SHISA5: variants seen among roughly 807,000 people sequenced by gnomAD.
The protein encoded by SHISA5 is protein shisa-5.
Under a neutral mutation model 27.5 loss-of-function variants are expected in SHISA5, and 21 were observed. That is an observed-to-expected ratio of 0.76 (90% CI 0.54 to 1.10). SHISA5 has a LOEUF of 1.10. Among genes scored for constraint, SHISA5 ranks in the 50% least tolerant of loss-of-function variants. The pLI, the probability that SHISA5 is intolerant of heterozygous loss-of-function variation, is 0.00. For missense variants in SHISA5, 314 were observed against 336.3 expected (o/e 0.93, Z 0.52); for synonymous variants, 137 against 142.2 (o/e 0.96, Z 0.26).
chr3:48,486,553 TTATA>T (rs2041253080), intron 2 of SHISA5, among the ~76,000 whole-genome samples: 1 of 122,726 alleles, frequency 8.1e-6, no homozygotes, highest in African/African-American at 3.1e-5. Flanking sequence ...ATATTATATA[TTATA>T]TAGATTATAG....
chr3:48,501,080 C>T, intron 2 of SHISA5, 57 bp downstream of exon 2: 1 of 1,532,562 alleles, frequency 6.5e-7, no homozygotes, highest in Non-Finnish European at 8.8e-7. Context: ...CTTCCACATA[C>T]TCTCCTGTGG....
intron 2 of SHISA5, among the ~76,000 whole-genome samples, chr3:48,480,384 G>A (rs1380211781): frequency 1.3e-5 from 2 of 151,752 alleles, no homozygotes; most frequent in African/African-American, 4.8e-5. Context: ...AAGATATCAT[G>A]ATCACGAAGA....
upstream of SHISA5, chr3:48,504,514 G>A (rs370400634): frequency 6.2e-6 from 1 of 161,198 alleles, no homozygotes; most frequent in Non-Finnish European, 1.3e-5. This position sits in a 1 kb window ranked among gnomAD's most constrained non-coding sequence, Gnocchi z 4.0. Flanking sequence ...CCTACTGTGT[G>A]GGCTGGGGGA....
At chr3:48,477,586 C>T (rs1473655473) in intron 3 of SHISA5, among the ~76,000 whole-genome samples, 1 of 152,152 alleles carries the variant, frequency 6.6e-6, no homozygotes, top group South Asian at 2.1e-4. Context: ...CTGTCTTACT[C>T]CTCATCCATT....
intron 2 of SHISA5, among the ~76,000 whole-genome samples, chr3:48,482,129 A>C (rs1049583062): frequency 2.6e-5 from 4 of 151,430 alleles, no homozygotes; most frequent in Non-Finnish European, 5.9e-5. Context: ...TGGAAAACCC[A>C]AAAAACAAGG....
chr3:48,473,379 C>T lies in SHISA5; in HGVS notation c.315-3536G>A, dbSNP rs1485466874. 3 of 1,336,010 alleles carry T rather than the reference C, an allele frequency of 2.2e-6. No homozygotes were observed. Among genetic ancestry groups the T allele is most frequent in the Non-Finnish European group, 2.9e-6 (3 of 1,019,826 alleles). 82.8% of individuals were successfully genotyped at this position (1,336,010 alleles called of 1,614,324 possible). A position where few individuals can be genotyped will look rare whatever the true frequency, so the allele number is the denominator to read the frequency against. On this transcript the variant is annotated intron_variant, in intron 3 of 5. Transcript: ENST00000296444. The surrounding 1 kb of genome is among the most constrained non-coding windows in gnomAD (Gnocchi z 4.3). ...TAAGAGCCACCCCAGCCTCAGTGGGCCCCAACCACACTCTAGCTCAGCAGC... is the reference window on the plus strand; with the variant it reads ...TAAGAGCCACCCCAGCCTCAGTGGGTCCCAACCACACTCTAGCTCAGCAGC...
In SHISA5 at chr3:48,470,443, T is replaced by C. The variant is rs963308492; in HGVS notation, c.315-600A>G. Among the ~76,000 whole-genome samples, 5 of 152,160 alleles carry C rather than the reference T, an allele frequency of 3.3e-5. No individual in the cohort carries two copies. Among genetic ancestry groups the C allele is most frequent in the Admixed American group, 1.3e-4 (2 of 15,290 alleles). On this transcript the variant is annotated intron_variant, in intron 3 of 5. Coordinates refer to ENST00000296444, the MANE Select transcript of SHISA5 (RefSeq NM_016479.6). The surrounding 1 kb of genome is among the most constrained non-coding windows in gnomAD (Gnocchi z 4.3). The stretch of plus-strand genomic sequence containing the variant: ...AGTGATAAGGACAGTTGCCTCTGCC[T>C]GCAAGCTTGCTGTATGCCAAGCACC...
intron 2 of SHISA5, among the ~76,000 whole-genome samples, chr3:48,485,516 T>TA (rs1174608208): frequency 1.4e-5 from 2 of 143,934 alleles, no homozygotes; most frequent in Non-Finnish European, 3.0e-5. Flanking sequence ...AATATATATT[T>TA]TTATATATAT....
intron 2 of SHISA5, among the ~76,000 whole-genome samples, chr3:48,499,849 AGTG>A: frequency 5.4e-5 from 1 of 18,664 alleles, no homozygotes; most frequent in Non-Finnish European, 1.1e-4. Context: ...GGGCAACAGA[AGTG>A]AGACTCCGTC....
At position 48,501,197 on chromosome 3, in the gene SHISA5, C is replaced by G. The variant is rs377595934; in HGVS notation, c.173G>C (p.Cys58Ser). The change falls in exon 2 of 6, where the codon TGC (cysteine) becomes TCC (serine). Residue 58 changes from cysteine to serine, a missense_variant. Cys to Ser is a moderately radical substitution (Grantham distance 112). Transcript: ENST00000296444. ...CACAAATTTCTTCAGCACGTCAGAG[C>G]AGCAGTATTGGTCATCACAGGTACC... The part of the protein sequence containing the change: ...CCGTCDDQYC[C>S]SDVLKKFVWS... The G allele has an allele frequency of 9.9e-6, 16 of 1,614,122 alleles. No homozygotes were observed. The highest frequency in any genetic ancestry group is 2.5e-6 in the Non-Finnish European group (3 of 1,179,982).
intron 1 of SHISA5, 35 bp downstream of exon 1, chr3:48,503,984 C>A: frequency 6.9e-7 from 1 of 1,453,778 alleles, no homozygotes; most frequent in Non-Finnish European, 9.1e-7. Flanking sequence ...TGCCCGGTCC[C>A]AGGGCAGGAC....
At position 48,470,415 on chromosome 3, in the gene SHISA5, C is replaced by T. The variant is rs1226260616; in HGVS notation, c.315-572G>A. On this transcript the variant is annotated intron_variant, in intron 3 of 5. Coordinates refer to ENST00000296444, the MANE Select transcript of SHISA5 (RefSeq NM_016479.6). This position sits in a 1 kb window ranked among gnomAD's most constrained non-coding sequence, Gnocchi z 4.3. The stretch of plus-strand genomic sequence containing the variant: ...AGCCCCAGGGCAGGGAGGCTGGCCC[C>T]TGAGTGATAAGGACAGTTGCCTCTG... 6.6e-6 allele frequency among the ~76,000 whole-genome samples: 1 copy of T among 152,218 alleles called. No individual in the cohort carries two copies. Among genetic ancestry groups the T allele is most frequent in the African/African-American group, 2.4e-5 (1 of 41,460 alleles).
chr3:48,478,928 C>T (rs2040910966), intron 3 of SHISA5, among the ~76,000 whole-genome samples: 1 of 152,132 alleles, frequency 6.6e-6, no homozygotes, highest in Non-Finnish European at 1.5e-5. Flanking sequence ...GTCAATGTAC[C>T]CCGGACCCCT....
intron 2 of SHISA5, 63 bp from the exon 3 acceptor site, chr3:48,479,320 A>C: frequency 6.9e-7 from 1 of 1,454,844 alleles, no homozygotes; most frequent in Non-Finnish European, 9.3e-7. Flanking sequence ...CACAAACACT[A>C]CCTTAGGGCA....
chr3:48,473,573 T>C lies in SHISA5; in HGVS notation c.315-3730A>G, dbSNP rs7623287. On this transcript the variant is annotated intron_variant, in intron 3 of 5. Transcript: ENST00000296444. This position sits in a 1 kb window ranked among gnomAD's most constrained non-coding sequence, Gnocchi z 4.3. ...AGCTCCTCCTCTCCCACCAGCACTC[T>C]CTCCAATCTGTCTCCCCATGTTCTC... is the stretch of plus-strand genomic sequence containing the variant. The C allele has an allele frequency of 8.2e-3, 10,258 of 1,257,902 alleles. 505 individuals are homozygous for C. The African/African-American group carries it at 0.12, about 15-fold the overall frequency. 77.9% of individuals were successfully genotyped at this position (1,257,902 alleles called of 1,614,324 possible).
chr3:48,487,739 C>A (rs1214311290), intron 2 of SHISA5, among the ~76,000 whole-genome samples: 1 of 151,762 alleles, frequency 6.6e-6, no homozygotes, highest in Non-Finnish European at 1.5e-5. Flanking sequence ...CTAAAAATAC[C>A]AAAAAAATTA....
chr3:48,484,989 T>G (rs2041150886), intron 2 of SHISA5, among the ~76,000 whole-genome samples: 1 of 149,822 alleles, frequency 6.7e-6, no homozygotes. Flanking sequence ...AGCACAGGAG[T>G]CAAAACCAGA....
chr3:48,469,661 A>C lies in SHISA5; in HGVS notation c.430+67T>G. 1 of 1,603,938 alleles carries C rather than the reference A, an allele frequency of 6.2e-7. No homozygotes were observed. The highest frequency in any genetic ancestry group is 1.7e-5 in the Admixed American group (1 of 58,322). ...CCACCCATCCCTCCAGCTTAGCCAAAGCAGGGCCTGGTCAGCTTCCCTTAC... is the reference window on the plus strand; with the variant it reads ...CCACCCATCCCTCCAGCTTAGCCAACGCAGGGCCTGGTCAGCTTCCCTTAC... On this transcript the variant is annotated intron_variant, in intron 4 of 5. Coordinates refer to ENST00000296444, the MANE Select transcript of SHISA5 (RefSeq NM_016479.6). This position sits in a 1 kb window ranked among gnomAD's most constrained non-coding sequence, Gnocchi z 4.6.
rs1465241613 is a variant in SHISA5 at position 48,468,176 on chromosome 3, C to G, written c.*931G>C. On this transcript the variant is annotated 3_prime_UTR_variant, in exon 6 of 6. Transcript: ENST00000296444. The stretch of plus-strand genomic sequence containing the variant: ...AGTTGCCAGGTTGTCCATCTCTGAG[C>G]CAATTTCCCTCCACAACCCAGGGGT... The G allele has an allele frequency of 2.0e-6, 2 of 999,788 alleles. No homozygotes were observed. The highest frequency in any genetic ancestry group is 3.5e-5 in the African/African-American group (2 of 57,376). 61.9% of individuals were successfully genotyped at this position (999,788 alleles called of 1,614,324 possible). A position where few individuals can be genotyped will look rare whatever the true frequency, so the allele number is the denominator to read the frequency against.
Sources: allele counts gnomAD v4.1 joint callset (sites outside exome capture counted in the v4.1 genomes callset), GRCh38; gene constraint gnomAD v4.1.1; non-coding constraint Gnocchi (gnomAD v3.1); transcripts MANE v1.5; gene names NCBI Gene and HGNC (gene_info 2026-07-23, HGNC 2026-07-21).